The following ARHGEF28 variants were observed in gnomAD, a reference collection of about 807,000 sequenced individuals.
ARHGEF28 encodes the protein Rho guanine nucleotide exchange factor 28, also known as 190 kDa guanine nucleotide exchange factor.
In ARHGEF28, 152 loss-of-function variants were observed where a neutral mutation model predicts 206.6. That is an observed-to-expected ratio of 0.74 (90% confidence interval 0.64 to 0.84). ARHGEF28 has a LOEUF of 0.84. ARHGEF28 is among the 40% of genes least tolerant of loss of function. The probability of loss-of-function intolerance (pLI) is 0.00; values close to 1 mark genes in which losing one functional copy is unlikely to be tolerated. For missense variants in ARHGEF28, 2,028 were observed against 2,073.2 expected (o/e 0.98, Z 0.42); for synonymous variants, 763 against 776.4 (o/e 0.98, Z 0.29).
chr5:73,842,980 CTG>C (rs1450060714), intron 11 of ARHGEF28, among the ~76,000 whole-genome samples: 1 of 127,610 alleles, frequency 7.8e-6, no homozygotes, highest in African/African-American at 3.4e-5. Context: ...GAGTGAGACT[CTG>C]TCTTTAAAAA....
At chr5:73,682,888 A>G (rs943888087) in intron 1 of ARHGEF28, among the ~76,000 whole-genome samples, 7 of 152,140 alleles carry the variant, frequency 4.6e-5, no homozygotes, top group Admixed American at 1.3e-4. Context: ...CCAGGCCTCA[A>G]ATGTGCAGTG....
At chr5:73,701,255 A>T (rs1316118648) in intron 2 of ARHGEF28, among the ~76,000 whole-genome samples, 2 of 152,218 alleles carry the variant, frequency 1.3e-5, no homozygotes, top group East Asian at 3.8e-4. Context: ...AATTTTAAAA[A>T]GGTATTTATG....
intron 35 of ARHGEF28, among the ~76,000 whole-genome samples, chr5:73,939,411 T>C (rs1458302966): frequency 6.6e-6 from 1 of 152,204 alleles, no homozygotes; most frequent in Non-Finnish European, 1.5e-5. Context: ...TTTGTGCCTA[T>C]TGGCATCTAA....
rs113752675 is a variant in ARHGEF28 at position 73,684,911 on chromosome 5, G to T, written c.33+27G>T. 6.8e-4 allele frequency: 1,098 copies of T among 1,609,778 alleles called. 6 individuals are homozygous for T. The African/African-American group carries it at 0.013, about 19-fold the overall frequency. On this transcript the variant is annotated intron_variant, in intron 2 of 35. Transcript: ENST00000513042. The stretch of plus-strand genomic sequence containing the variant: ...TAAGTTGCTAAGCACGGGGCTTCAG[G>T]TCCAAGGGGCCCTTTCTTAACTCCA...
chr5:73,830,546 C>T (rs1312729923), intron 9 of ARHGEF28, among the ~76,000 whole-genome samples: 4 of 136,678 alleles, frequency 2.9e-5, no homozygotes, highest in Non-Finnish European at 6.2e-5. Flanking sequence ...GAGCGAAACT[C>T]CATCTCAAAA....
chr5:73,870,341 T>A, intron 21 of ARHGEF28, 132 bp downstream of exon 21: 2 of 1,132,040 alleles, frequency 1.8e-6, no homozygotes, highest in Non-Finnish European at 2.4e-6. Flanking sequence ...GCAGACAAAT[T>A]ATTTAGATCA....
intron 1 of ARHGEF28, among the ~76,000 whole-genome samples, chr5:73,680,766 A>C (rs1747036723): frequency 6.6e-6 from 1 of 152,176 alleles, no homozygotes. Context: ...ACTTTTTTCT[A>C]AGTGTACAGC....
At chr5:73,702,788 A>G (rs1304903836) in intron 2 of ARHGEF28, among the ~76,000 whole-genome samples, 1 of 152,192 alleles carries the variant, frequency 6.6e-6, no homozygotes, top group African/African-American at 2.4e-5. Flanking sequence ...TGAAATGATT[A>G]TGTAGCCCCT....
chr5:73,677,897 G>A (rs1045024354), intron 1 of ARHGEF28, among the ~76,000 whole-genome samples: 2 of 152,138 alleles, frequency 1.3e-5, no homozygotes, highest in African/African-American at 4.8e-5. Context: ...AATTGCAGAT[G>A]AAGAACTCAA....
chr5:73,893,379 A>T (rs1479274842), intron 28 of ARHGEF28, 91 bp downstream of exon 28: 5 of 1,041,454 alleles, frequency 4.8e-6, no homozygotes, highest in Admixed American at 6.6e-5. Flanking sequence ...TTATAACTAC[A>T]TGATTCATCC....
At chr5:73,705,252 A>G (rs1251959688) in intron 2 of ARHGEF28, among the ~76,000 whole-genome samples, 1 of 152,176 alleles carries the variant, frequency 6.6e-6, no homozygotes, top group Non-Finnish European at 1.5e-5. Flanking sequence ...CAAGCAACCC[A>G]ACCACTGAAT....
chr5:73,735,746 G>A (rs1750886923), intron 2 of ARHGEF28, among the ~76,000 whole-genome samples: 1 of 152,116 alleles, frequency 6.6e-6, no homozygotes, highest in African/African-American at 2.4e-5. Flanking sequence ...CCCTCCATGC[G>A]ATGGCCTCTG....
intron 2 of ARHGEF28, among the ~76,000 whole-genome samples, chr5:73,709,672 C>T (rs1749132413): frequency 6.6e-6 from 1 of 152,138 alleles, no homozygotes; most frequent in South Asian, 2.1e-4. Flanking sequence ...ACAAGAAACA[C>T]TGCACCTGGG....
At chr5:73,748,276 G>T (rs577549103) in intron 2 of ARHGEF28, among the ~76,000 whole-genome samples, 2 of 152,028 alleles carry the variant, frequency 1.3e-5, no homozygotes, top group Non-Finnish European at 2.9e-5. Context: ...TATTGATTAC[G>T]TTTATGTGTG....
intron 18 of ARHGEF28, 112 bp from the exon 19 acceptor site, chr5:73,867,764 C>T (rs1244649801): frequency 7.3e-7 from 1 of 1,373,504 alleles, no homozygotes; most frequent in East Asian, 2.4e-5. Flanking sequence ...GCAGAGCATG[C>T]ATCAGATTAC....
intron 18 of ARHGEF28, 106 bp from the exon 19 acceptor site, chr5:73,867,770 A>G (rs957425932): frequency 2.8e-6 from 4 of 1,442,114 alleles, no homozygotes; most frequent in Non-Finnish European, 2.8e-6. Flanking sequence ...CATGCATCAG[A>G]TTACAAGTAG....
intron 2 of ARHGEF28, among the ~76,000 whole-genome samples, chr5:73,708,418 A>G (rs986000209): frequency 1.3e-5 from 2 of 152,020 alleles, no homozygotes; most frequent in African/African-American, 4.8e-5. Context: ...GTGTGTTCCA[A>G]TATTTAGCTC....
intron 9 of ARHGEF28, among the ~76,000 whole-genome samples, chr5:73,818,541 C>A (rs987088103): frequency 6.6e-6 from 1 of 152,086 alleles, no homozygotes; most frequent in Non-Finnish European, 1.5e-5. Flanking sequence ...GGAAGGGAAA[C>A]ATTTTTCTAA....
chr5:73,775,873 A>G (rs1454569912), intron 5 of ARHGEF28, among the ~76,000 whole-genome samples: 1 of 92,114 alleles, frequency 1.1e-5, no homozygotes, highest in Non-Finnish European at 2.1e-5. Flanking sequence ...AAATAAGTGT[A>G]TATTCAAGTC....
Sources: gnomAD v4.1 joint callset for allele counts (sites outside exome capture counted in the v4.1 genomes callset) on GRCh38, gnomAD v4.1.1 for gene constraint, MANE v1.5 for transcripts, NCBI Gene and HGNC (gene_info 2026-07-23, HGNC 2026-07-21) for gene names.